The following COL21A1 variants were observed in gnomAD, a reference collection of about 807,000 sequenced individuals.
COL21A1 encodes collagen alpha-1(XXI) chain.
COL21A1 carries 149 observed loss-of-function variants against 137.9 expected under a neutral mutation model. The observed-to-expected ratio is 1.08, with a 90% CI of 0.95 to 1.24. The LOEUF (loss-of-function observed/expected upper bound fraction) is 1.24. Ranked by LOEUF, COL21A1 falls within the 50% of genes most tolerant of loss-of-function variation. COL21A1 has a pLI of 0.00. For synonymous variants in COL21A1, 456 were observed against 391.5 expected (o/e 1.16, Z -1.95); for missense variants, 1,167 against 1,158.4 (o/e 1.01, Z -0.11).
chr6:56,068,187 A>G (rs2114078067), intron 22 of COL21A1, among the ~76,000 whole-genome samples: 1 of 151,756 alleles, frequency 6.6e-6, no homozygotes, highest in African/African-American at 2.4e-5. Flanking sequence ...ATCAGAACAA[A>G]AAGCCCAAGG....
intron 5 of COL21A1, 30 bp downstream of exon 5, chr6:56,170,619 T>C (rs1384699214): frequency 2.0e-6 from 3 of 1,467,868 alleles, no homozygotes; most frequent in Admixed American, 1.9e-5. Flanking sequence ...ATGAATATCA[T>C]AATCATGGTA....
chr6:56,278,089 C>CTT (rs901768758), intron 1 of COL21A1, among the ~76,000 whole-genome samples: 1 of 152,146 alleles, frequency 6.6e-6, no homozygotes, highest in African/African-American at 2.4e-5. Context: ...TTTTGTGCCA[C>CTT]TTAGATTGGA....
chr6:56,380,807 T>C (rs757988428), intron 1 of COL21A1, among the ~76,000 whole-genome samples: 1 of 152,216 alleles, frequency 6.6e-6, no homozygotes, highest in Admixed American at 6.5e-5. Context: ...GGTGTGCCTA[T>C]GGAGAAAATC....
At chr6:56,061,616 G>C (rs1304377841) in intron 25 of COL21A1, 33 bp downstream of exon 25, 8 of 1,515,530 alleles carry the variant, frequency 5.3e-6, no homozygotes, top group South Asian at 2.3e-5. Context: ...CGAAGAAAGA[G>C]AGCAAGAGAG....
chr6:56,270,641 A>T (rs992947039), intron 1 of COL21A1, among the ~76,000 whole-genome samples: 18 of 152,170 alleles, frequency 1.2e-4, no homozygotes, highest in Admixed American at 1.1e-3. Context: ...TGTTTCTCTC[A>T]CCCTAATCTC....
intron 12 of COL21A1, 101 bp downstream of exon 12, chr6:56,141,684 G>T: frequency 7.8e-7 from 1 of 1,281,124 alleles, no homozygotes; most frequent in East Asian, 2.3e-5. Context: ...ACAAATCTTA[G>T]AATTCACCAA....
intron 1 of COL21A1, among the ~76,000 whole-genome samples, chr6:56,275,818 T>C (rs1763633330): frequency 6.6e-6 from 1 of 152,190 alleles, no homozygotes; most frequent in Non-Finnish European, 1.5e-5. Context: ...GTTTGGAGAT[T>C]TGTCAAAGAA....
At chr6:56,304,968 T>C (rs979065139) in intron 1 of COL21A1, among the ~76,000 whole-genome samples, 1 of 152,326 alleles carries the variant, frequency 6.6e-6, no homozygotes, top group Admixed American at 6.5e-5. Flanking sequence ...ACATCTTTAT[T>C]TCTGCCTTCA....
chr6:56,112,777 C>A (rs1173879685), intron 16 of COL21A1, among the ~76,000 whole-genome samples: 1 of 151,424 alleles, frequency 6.6e-6, no homozygotes, highest in African/African-American at 2.4e-5. Flanking sequence ...CTCCGCCTCC[C>A]AGGTTCAACC....
In COL21A1 at chr6:56,074,238, T is replaced by G; in HGVS notation, c.1959A>C (p.Gly653=). 6.3e-7 allele frequency: 1 copy of G among 1,583,298 alleles called. No homozygotes were observed. Among genetic ancestry groups the G allele is most frequent in the Admixed American group, 1.8e-5 (1 of 55,712 alleles). ...TTTATTTTATCATATTTACCTTAGA[T>G]CCCGGTGTTCCAGGCTGGCCTGGTG... is the stretch of plus-strand genomic sequence containing the variant. ...NGSPGQPGTP[G]SKGSKGEPGI... Residue 653 remains glycine, a synonymous_variant, in exon 20 of 30, where the codon GGA becomes GGC. Coordinates refer to ENST00000244728, the MANE Select transcript of COL21A1 (RefSeq NM_030820.4).
At chr6:56,230,973 C>A (rs1301598125) in intron 1 of COL21A1, 1 of 151,902 alleles carries the variant, frequency 6.6e-6, no homozygotes, top group Non-Finnish European at 1.5e-5. Context: ...CTTTTTCCTA[C>A]CTACCCTTCA....
chr6:56,091,360 C>T (rs1768798112), intron 17 of COL21A1: 1 of 152,490 alleles, frequency 6.6e-6, no homozygotes, highest in Non-Finnish European at 1.5e-5. Flanking sequence ...GGAAAGGAAA[C>T]AATAAAAGCC....
chr6:56,193,005 C>T (rs371008332), intron 1 of COL21A1, among the ~76,000 whole-genome samples: 3 of 152,126 alleles, frequency 2.0e-5, no homozygotes, highest in South Asian at 2.1e-4. Context: ...GATGAGTTCA[C>T]GTCCTTTGCA....
At chr6:56,280,455 G>C (rs1003440861) in intron 1 of COL21A1, among the ~76,000 whole-genome samples, 1 of 152,122 alleles carries the variant, frequency 6.6e-6, no homozygotes, top group Non-Finnish European at 1.5e-5. Context: ...TCTCAGCCAA[G>C]CACTGACCTG....
chr6:56,264,390 G>C lies in COL21A1; in HGVS notation c.-38-81734C>G, dbSNP rs1359558349. 2.0e-5 allele frequency among the ~76,000 whole-genome samples: 3 copies of C among 152,036 alleles called. No homozygotes were observed. In the East Asian group the frequency reaches 5.8e-4, roughly 29 times the overall value. ...TTGTCCACCTTGGATACTATCCCCT[G>C]GCTTTCCTTCTACTTCTATGGTGGC... On this transcript the variant is annotated intron_variant, in intron 1 of 28. Coordinates refer to the COL21A1 transcript ENST00000370819.
intron 25 of COL21A1, 123 bp downstream of exon 25, chr6:56,061,526 A>G (rs1347816638): frequency 3.8e-6 from 2 of 530,438 alleles, no homozygotes; most frequent in Non-Finnish European, 6.7e-6. Flanking sequence ...CTTCTACTGA[A>G]GAAGATGAAA....
intron 1 of COL21A1, among the ~76,000 whole-genome samples, chr6:56,295,309 C>T (rs911853396): frequency 2.0e-5 from 3 of 151,922 alleles, no homozygotes; most frequent in Non-Finnish European, 4.4e-5. Context: ...GGTCTATTTG[C>T]CTGTTCTTTC....
intron 1 of COL21A1, among the ~76,000 whole-genome samples, chr6:56,218,855 C>T (rs982536796): frequency 2.6e-5 from 4 of 152,016 alleles, no homozygotes; most frequent in African/African-American, 7.2e-5. Flanking sequence ...AGCATAGTGG[C>T]CAGCCATCAG....
intron 16 of COL21A1, among the ~76,000 whole-genome samples, chr6:56,120,342 A>G (rs1349283331): frequency 2.0e-5 from 3 of 152,208 alleles, no homozygotes; most frequent in African/African-American, 7.2e-5. Flanking sequence ...CAAAACTAAA[A>G]TGAGATATCA....
Sources: gnomAD v4.1 joint callset for allele counts (sites outside exome capture counted in the v4.1 genomes callset) on GRCh38, gnomAD v4.1.1 for gene constraint, MANE v1.5 for transcripts, NCBI Gene and HGNC (gene_info 2026-07-23, HGNC 2026-07-21) for gene names.